Variants in KCNH2 observed in about 807,000 individuals in gnomAD.
The protein encoded by KCNH2 is potassium voltage-gated channel subfamily H member 2.
Under a neutral mutation model 95.9 loss-of-function variants are expected in KCNH2, and 35 were observed. The ratio of observed to expected loss-of-function variants is 0.37; its 90% CI spans 0.28 to 0.48. The LOEUF (loss-of-function observed/expected upper bound fraction) is 0.48. KCNH2 is among the 20% of genes least tolerant of loss of function. The pLI, the probability that KCNH2 is intolerant of heterozygous loss-of-function variation, is 0.99. For missense variants in KCNH2, 1,274 were observed against 1,702.9 expected (o/e 0.75, Z 4.43); for synonymous variants, 786 against 754.7 (o/e 1.04, Z -0.68).
rs764023766 is a variant in KCNH2 at position 150,947,294 on chromosome 7, G to C, written c.3152+34C>G. On this transcript the variant is annotated intron_variant, in intron 13 of 14. Transcript: ENST00000262186. ...CGCCAGGACCTGGACCAGACTCCAG[G>C]GCGTGCCCCCCCACCCCACCTGCAC... 13 of 1,514,156 alleles carry C rather than the reference G, an allele frequency of 8.6e-6. No homozygotes were observed. In the South Asian group the frequency reaches 1.6e-4, roughly 18 times the overall value. The allele number at this position is 1,514,156 out of a possible 1,614,324, so 93.8% of individuals were successfully genotyped here. A position where few individuals can be genotyped will look rare whatever the true frequency, so the allele number is the denominator to read the frequency against.
At chr7:150,969,368 G>A (rs1051933125) in intron 2 of KCNH2, among the ~76,000 whole-genome samples, 3 of 152,188 alleles carry the variant, frequency 2.0e-5, no homozygotes, top group Admixed American at 2.0e-4. Flanking sequence ...GCCTTGTGCT[G>A]CTGGTCAGGT....
Position 150,978,315 on chromosome 7 carries a change from A to C in KCNH2, c.-402T>G. 1.4e-5 allele frequency: 2 copies of C among 143,210 alleles called. No individual in the cohort carries two copies. Among genetic ancestry groups the C allele is most frequent in the South Asian group, 2.3e-4 (1 of 4,370 alleles). 8.9% of individuals were successfully genotyped at this position (143,210 alleles called of 1,614,324 possible). ...CGCCTGCGGCTCGGCCCGGCCGCGG[A>C]AGGGTTAATGCGGCGCGCGCCCCTC... On this transcript the variant is annotated 5_prime_UTR_variant, in exon 1 of 15. Transcript: ENST00000262186.
At chr7:150,956,682 A>G (rs752410577) in intron 5 of KCNH2, among the ~76,000 whole-genome samples, 15 of 152,110 alleles carry the variant, frequency 9.9e-5, no homozygotes, top group Non-Finnish European at 1.9e-4. Context: ...TGACCCTTCC[A>G]TATCTTTGTA....
In KCNH2 at chr7:150,957,506, G is replaced by GGT. The variant is rs1338314930; in HGVS notation, c.917-6_917-5dup. 6.2e-7 allele frequency: 1 copy of GGT among 1,606,710 alleles called. No homozygotes were observed. On this transcript the variant is annotated splice_region_variant and splice_polypyrimidine_tract_variant and intron_variant, in intron 4 of 14. Transcript: ENST00000262186. ...CTGCGCAGTGGGTGCATGGCCCCTA[G>GGT]GTGGAGAGGCAGCGTGGTCAGGCCA... is the stretch of plus-strand genomic sequence containing the variant.
chr7:150,945,546 G>A lies in KCNH2; in HGVS notation c.3331-32C>T, dbSNP rs1800861032. ...TACACACAGAGCATGGGCAGGCGAA[G>A]AGGCCATGGAGGAGGAGGAAGGGGA... On this transcript the variant is annotated intron_variant, in intron 14 of 14. Coordinates refer to ENST00000262186, the MANE Select transcript of KCNH2 (RefSeq NM_000238.4). The surrounding 1 kb of genome is among the most constrained non-coding windows in gnomAD (Gnocchi z 5.6). 1 of 1,553,880 alleles carries A rather than the reference G, an allele frequency of 6.4e-7. No homozygotes were observed. The highest frequency in any genetic ancestry group is 8.7e-7 in the Non-Finnish European group (1 of 1,148,352).
rs1480710402 is a variant in KCNH2, at chr7:150,958,423, G to A, written c.552C>T (p.Gly184=). The A allele has an allele frequency of 6.9e-7, 1 of 1,443,496 alleles. No homozygotes were observed. Among genetic ancestry groups the A allele is most frequent in the Non-Finnish European group, 9.0e-7 (1 of 1,107,226 alleles). The allele number at this position is 1,443,496 out of a possible 1,614,324, so 89.4% of individuals were successfully genotyped here. The part of the protein sequence containing the change: ...TARESSVRSG[G]AGGAGAPGAV... ...CCCCCGGGGCGCCCGCGCCGCCCGC[G>A]CCGCCCGACCGCACCGACGACTCCC... The change falls in exon 4 of 15, where the codon GGC becomes GGT. Residue 184 remains glycine, a synonymous_variant. Coordinates refer to ENST00000262186, the MANE Select transcript of KCNH2 (RefSeq NM_000238.4).
At chr7:150,954,728 G>A (rs2269001) in intron 5 of KCNH2, among the ~76,000 whole-genome samples, 41,187 of 152,074 alleles carry the variant, frequency 0.27, 6,218 homozygotes, top group East Asian at 0.65. Context: ...CCCAGACTTA[G>A]CCCTGAGCCA....
At chr7:150,947,077 C>T (rs941037238) in intron 13 of KCNH2, 23 bp from the exon 14 acceptor site, 4 of 1,566,806 alleles carry the variant, frequency 2.6e-6, no homozygotes, top group African/African-American at 2.8e-5. Flanking sequence ...GTGGGGGATG[C>T]TCAGAGAAGT....
At chr7:150,970,710 T>G (rs1390120666) in intron 2 of KCNH2, among the ~76,000 whole-genome samples, 2 of 152,128 alleles carry the variant, frequency 1.3e-5, no homozygotes, top group Admixed American at 6.5e-5. Flanking sequence ...GCCCTGCAGA[T>G]TCTCCCACTC....
At position 150,958,500 on chromosome 7, in the gene KCNH2, G is replaced by T. The variant is rs1212253240; in HGVS notation, c.475C>A (p.Arg159Ser). 6.8e-7 allele frequency: 1 copy of T among 1,475,674 alleles called. No homozygotes were observed. Among genetic ancestry groups the T allele is most frequent in the South Asian group, 1.3e-5 (1 of 77,672 alleles). The allele number at this position is 1,475,674 out of a possible 1,614,324, so 91.4% of individuals were successfully genotyped here. A position where few individuals can be genotyped will look rare whatever the true frequency, so the allele number is the denominator to read the frequency against. Residue 159 changes from arginine to serine, a missense_variant and splice_region_variant, in exon 4 of 15, where the codon CGC becomes AGC. Physicochemically the swap from Arg to Ser is moderately radical, Grantham distance 110 (BLOSUM62 -1). Transcript: ENST00000262186. ...GPPTSWLAPGRAKTFRLKLPA... is the reference protein window; with the variant it reads ...GPPTSWLAPGSAKTFRLKLPA... ...AGCTTCAGGCGGAAGGTCTTGGCGCGGCCTGCGGGAGAGGAGAGGCACGTG... is the reference window on the plus strand; with the variant it reads ...AGCTTCAGGCGGAAGGTCTTGGCGCTGCCTGCGGGAGAGGAGAGGCACGTG...
chr7:150,963,275 G>A (rs1394138296), intron 2 of KCNH2, among the ~76,000 whole-genome samples: 3 of 152,180 alleles, frequency 2.0e-5, no homozygotes, highest in African/African-American at 7.2e-5. Flanking sequence ...CAAAGGGAGG[G>A]GGCATGGGCT....
In KCNH2 at chr7:150,948,945, G is replaced by A. The variant is rs199473003; in HGVS notation, c.2503C>T (p.Arg835Trp). The A allele has an allele frequency of 6.2e-7, 1 of 1,614,072 alleles. No individual in the cohort carries two copies. ...LTYCDLHKIH[R>W]DDLLEVLDMY... ...TCCAGCACCTCCAGCAGGTCGTCCC[G>A]ATGGATCTTGTGTAGGTCACAGTAG... Residue 835 changes from arginine to tryptophan, a missense_variant, in exon 10 of 15, where the codon CGG becomes TGG. Coordinates refer to ENST00000262186, the MANE Select transcript of KCNH2 (RefSeq NM_000238.4).
At chr7:150,947,130 A>C in intron 13 of KCNH2, 76 bp from the exon 14 acceptor site, 2 of 295,278 alleles carry the variant, frequency 6.8e-6, no homozygotes, top group Non-Finnish European at 1.3e-5. Flanking sequence ...GGGAAGGGGA[A>C]GGGGAGGGGG....
At chr7:150,977,637 AAACCCTTTGGCC>A (rs1454144585) in intron 1 of KCNH2, among the ~76,000 whole-genome samples, 189 bp downstream of exon 1, 1 of 111,682 alleles carries the variant, frequency 9.0e-6, no homozygotes. Context: ...CCCCAACCCC[AAACCCTTTGGCC>A]CGGTGCCCAC....
chr7:150,974,851 C>A lies in KCNH2; in HGVS notation c.167G>T (p.Arg56Leu), dbSNP rs199472845. The A allele has an allele frequency of 6.2e-7, 1 of 1,610,252 alleles. No individual in the cohort carries two copies. Among genetic ancestry groups the A allele is most frequent in the East Asian group, 2.2e-5 (1 of 44,700 alleles). ...GCAGGGTCGCTGCATCACCTCGGCCCGCGAGTAGCCGCACAGCTCGCAGAA... is the reference window on the plus strand; with the variant it reads ...GCAGGGTCGCTGCATCACCTCGGCCAGCGAGTAGCCGCACAGCTCGCAGAA... ...DGFCELCGYS[R>L]AEVMQRPCTC... Residue 56 changes from arginine (R) to leucine (L), a missense_variant, in exon 2 of 15, where the codon CGG becomes CTG. Around this residue, in one of 7 missense-constraint regions of KCNH2, gnomAD observed 85 missense variants for 174.7 expected, o/e 0.49. Coordinates refer to ENST00000262186, the MANE Select transcript of KCNH2 (RefSeq NM_000238.4).
At chr7:150,955,368 A>C in intron 5 of KCNH2, 1 of 1,548,010 alleles carries the variant, frequency 6.5e-7, no homozygotes, top group Non-Finnish European at 8.7e-7. Context: ...GGCCCCAGAA[A>C]GAAGAGGAAG....
intron 2 of KCNH2, among the ~76,000 whole-genome samples, chr7:150,963,566 G>A (rs1304735476): frequency 1.3e-5 from 2 of 152,012 alleles, no homozygotes; most frequent in Non-Finnish European, 2.9e-5. Context: ...ACTCTGCCCT[G>A]GCCCCATTCC....
At chr7:150,968,933 A>G (rs1022886411) in intron 2 of KCNH2, among the ~76,000 whole-genome samples, 1 of 152,206 alleles carries the variant, frequency 6.6e-6, no homozygotes, top group Non-Finnish European at 1.5e-5. Flanking sequence ...CTGGCACCGC[A>G]CGCTGCTTTG....
chr7:150,949,379 T>A, intron 9 of KCNH2: 2 of 1,107,280 alleles, frequency 1.8e-6, no homozygotes, highest in Non-Finnish European at 2.3e-6. Flanking sequence ...AAACCAAAGA[T>A]CAGAACACAG....
Sources: allele counts gnomAD v4.1 joint callset (sites outside exome capture counted in the v4.1 genomes callset), GRCh38; gene constraint gnomAD v4.1.1; regional missense constraint gnomAD v4.1.1; non-coding constraint Gnocchi (gnomAD v3.1); transcripts MANE v1.5; gene names NCBI Gene and HGNC (gene_info 2026-07-23, HGNC 2026-07-21).